The following EDEM1 variants were observed in gnomAD, a reference collection of about 807,000 sequenced individuals.
EDEM1 encodes the protein ER degradation-enhancing alpha-mannosidase-like protein 1.
EDEM1 carries 67 observed loss-of-function variants against 74.4 expected under a neutral mutation model. The ratio of observed to expected loss-of-function variants is 0.90; its 90% CI spans 0.74 to 1.10. The LOEUF (loss-of-function observed/expected upper bound fraction) is 1.10, where lower values mean the gene tolerates loss of function less well. Ranked by LOEUF, EDEM1 falls within the 50% of genes least tolerant of loss-of-function variation. The probability of loss-of-function intolerance (pLI) is 0.00; values close to 1 mark genes in which losing one functional copy is unlikely to be tolerated. For synonymous variants in EDEM1, 382 were observed against 335.9 expected, an observed-to-expected ratio of 1.14 and a Z score of -1.50; for missense variants, 926 against 851.6, an observed-to-expected ratio of 1.09 and a Z score of -1.09.
chr3:5,195,113 A>G, intron 1 of EDEM1, 96 bp from the exon 2 acceptor site: 2 of 598,300 alleles, frequency 3.3e-6, no homozygotes, highest in Non-Finnish European at 5.3e-6. Flanking sequence ...AATAAATAAG[A>G]GTTGCTGGCA....
rs2055255375 is a variant in EDEM1 at position 5,217,557 on chromosome 3, G to C, written c.*1639G>C. ...AAGTGTTATGGTTTTATATAGTTCA[G>C]TTCTTTGAGATTTTTGAAAAGAGTA... On this transcript the variant is annotated 3_prime_UTR_variant, in exon 12 of 12. Transcript: ENST00000256497. 1 of 152,504 alleles carries C rather than the reference G, an allele frequency of 6.6e-6. No individual in the cohort carries two copies. The highest frequency in any genetic ancestry group is 2.1e-4 in the South Asian group (1 of 4,824). 9.4% of individuals were successfully genotyped at this position (152,504 alleles called of 1,614,324 possible).
intron 8 of EDEM1, among the ~76,000 whole-genome samples, chr3:5,209,930 A>G (rs527619914): frequency 3.9e-4 from 60 of 152,334 alleles, no homozygotes; most frequent in African/African-American, 1.3e-3. Context: ...CTATTGTTCT[A>G]CCCTGGAACA....
At chr3:5,196,906 C>T (rs1015093900) in intron 2 of EDEM1, among the ~76,000 whole-genome samples, 15 of 151,658 alleles carry the variant, frequency 9.9e-5, no homozygotes, top group Admixed American at 2.0e-4. Context: ...GCTTTGTCAT[C>T]GTCGTCGTCT....
At chr3:5,191,347 C>T (rs942761611) in intron 1 of EDEM1, among the ~76,000 whole-genome samples, 1 of 152,116 alleles carries the variant, frequency 6.6e-6, no homozygotes, top group Non-Finnish European at 1.5e-5. Flanking sequence ...CCTCAGCCTC[C>T]CGAATAGCTG....
chr3:5,203,670 C>T (rs1056853718), intron 5 of EDEM1, among the ~76,000 whole-genome samples: 1 of 151,942 alleles, frequency 6.6e-6, no homozygotes, highest in Non-Finnish European at 1.5e-5. Flanking sequence ...GAATAATGAC[C>T]CCTATGTACT....
At chr3:5,199,515 G>T in intron 2 of EDEM1, 77 bp from the exon 3 acceptor site, 1 of 1,034,328 alleles carries the variant, frequency 9.7e-7, no homozygotes, top group Non-Finnish European at 1.4e-6. Flanking sequence ...TTTAGGTGAC[G>T]TGACTGGGCT....
At chr3:5,201,646 A>C (rs1427921769) in intron 3 of EDEM1, 107 bp from the exon 4 acceptor site, 3 of 1,309,450 alleles carry the variant, frequency 2.3e-6, no homozygotes, top group Non-Finnish European at 3.2e-6. Context: ...GACGTCAGGC[A>C]GTTCTGAGTC....
Position 5,216,555 on chromosome 3 carries a change from TC to T in EDEM1, c.*641del, listed in dbSNP as rs2055239727. 7 of 152,420 alleles carry T rather than the reference TC, an allele frequency of 4.6e-5. 1 individual carries two copies. In the South Asian group the frequency reaches 1.4e-3, roughly 32 times the overall value. The allele number at this position is 152,420 out of a possible 1,614,324, so 9.4% of individuals were successfully genotyped here. A position where few individuals can be genotyped will look rare whatever the true frequency, so the allele number is the denominator to read the frequency against. Reference sequence around the variant, plus strand: ...TTCTGTTGTTAGATAATTGGGGTCTTCCCCTGATATCCAACCGTGATTTTGG... The same window carrying T: ...TTCTGTTGTTAGATAATTGGGGTCTTCCCTGATATCCAACCGTGATTTTGG... On this transcript the variant is annotated 3_prime_UTR_variant, in exon 12 of 12. Transcript: ENST00000256497.
intron 5 of EDEM1, among the ~76,000 whole-genome samples, chr3:5,204,357 T>C (rs1226008361): frequency 1.3e-5 from 2 of 151,912 alleles, no homozygotes; most frequent in Non-Finnish European, 2.9e-5. Flanking sequence ...TTAAAAAAAA[T>C]TATCTTTTCC....
intron 2 of EDEM1, among the ~76,000 whole-genome samples, chr3:5,197,841 T>A (rs893871696): frequency 6.6e-6 from 1 of 152,162 alleles, no homozygotes; most frequent in Non-Finnish European, 1.5e-5. Flanking sequence ...ACTCTGTAGG[T>A]TACAGCAAAA....
Position 5,207,259 on chromosome 3 carries a change from T to C in EDEM1, c.1324T>C (p.Phe442Leu). The change falls in exon 7 of 12, where the codon TTC becomes CTC. Residue 442 changes from phenylalanine (F) to leucine (L), a missense_variant. By Grantham distance (22) the Phe-to-Leu change is conservative (BLOSUM62 0). Coordinates refer to ENST00000256497, the MANE Select transcript of EDEM1 (RefSeq NM_014674.3). ...CTGGATTGACTCTCTGCAGGCCTTT[T>C]TCCCTGGACTGCAGGTATTTTGCCA... The part of the protein sequence containing the change: ...NTWIDSLQAF[F>L]PGLQVLIGDV... 6.2e-7 allele frequency: 1 copy of C among 1,614,092 alleles called. No homozygotes were observed.
chr3:5,195,213 A>G lies in EDEM1; in HGVS notation c.514A>G (p.Asn172Asp). The change falls in exon 2 of 12, where the codon AAT becomes GAT. Residue 172 changes from asparagine (N) to aspartate (D), a missense_variant. Physicochemically the swap from Asn to Asp is conservative, Grantham distance 23. Transcript: ENST00000256497. ...GRGPDRGDPS[N>D]LNINDVLGNY... ...AATTTTAATTTTCTTTTTCAGTTCA[A>G]ATCTGAACATCAATGATGTACTAGG... 6.6e-7 allele frequency: 1 copy of G among 1,522,510 alleles called. No individual in the cohort carries two copies. Among genetic ancestry groups the G allele is most frequent in the Non-Finnish European group, 8.8e-7 (1 of 1,131,234 alleles). The allele number at this position is 1,522,510 out of a possible 1,614,324, so 94.3% of individuals were successfully genotyped here.
At position 5,187,786 on chromosome 3, in the gene EDEM1, C is replaced by T. The variant is rs1340426040; in HGVS notation, c.-20C>T. On this transcript the variant is annotated 5_prime_UTR_variant, in exon 1 of 12. Transcript: ENST00000256497. Reference sequence around the variant, plus strand: ...GAGGCCCCCGCGCTTTAAAATAATGCCCGCGGCGCCCGCGCGACCATGCAA... The same window carrying T: ...GAGGCCCCCGCGCTTTAAAATAATGTCCGCGGCGCCCGCGCGACCATGCAA... 6.5e-6 allele frequency: 10 copies of T among 1,538,338 alleles called. No homozygotes were observed. Among genetic ancestry groups the T allele is most frequent in the South Asian group, 3.6e-5 (3 of 84,188 alleles).
intron 2 of EDEM1, among the ~76,000 whole-genome samples, 169 bp downstream of exon 2, chr3:5,195,450 T>G (rs1559294219): frequency 6.6e-6 from 1 of 152,070 alleles, no homozygotes; most frequent in Non-Finnish European, 1.5e-5. Flanking sequence ...ACAAGAAAAG[T>G]GTTGAAGGTT....
chr3:5,202,892 T>C (rs1323718834), intron 4 of EDEM1, 74 bp from the exon 5 acceptor site: 3 of 1,406,356 alleles, frequency 2.1e-6, no homozygotes, highest in Non-Finnish European at 3.0e-6. Flanking sequence ...CTGAGTGTAG[T>C]CTCTGAGACC....
In EDEM1 at chr3:5,217,679, T is replaced by A. The variant is rs1020627844; in HGVS notation, c.*1761T>A. On this transcript the variant is annotated 3_prime_UTR_variant, in exon 12 of 12. Transcript: ENST00000256497. Reference sequence around the variant, plus strand: ...TAAAATGCTTCTATTTTACCTTTTTTCATTTCAGAAGCATTATTCTGTTTA... The same window carrying A: ...TAAAATGCTTCTATTTTACCTTTTTACATTTCAGAAGCATTATTCTGTTTA... The A allele has an allele frequency of 1.3e-5, 2 of 152,494 alleles. No homozygotes were observed. The highest frequency in any genetic ancestry group is 4.8e-5 in the African/African-American group (2 of 41,458). 9.4% of individuals were successfully genotyped at this position (152,494 alleles called of 1,614,324 possible).
At chr3:5,211,702 T>C (rs559150863) in intron 10 of EDEM1, among the ~76,000 whole-genome samples, 32 of 151,976 alleles carry the variant, frequency 2.1e-4, no homozygotes, top group African/African-American at 7.5e-4. Flanking sequence ...AGAGAGAGAA[T>C]TTCTGGACCT....
chr3:5,189,999 T>TGG (rs11353549), intron 1 of EDEM1, among the ~76,000 whole-genome samples: 11 of 149,628 alleles, frequency 7.4e-5, no homozygotes, highest in African/African-American at 2.5e-4. Context: ...GTTTTTTTTT[T>TGG]GGGGGGGGGG....
At chr3:5,202,835 T>A in intron 4 of EDEM1, 131 bp from the exon 5 acceptor site, 1 of 694,176 alleles carries the variant, frequency 1.4e-6, no homozygotes, top group Non-Finnish European at 2.4e-6. Flanking sequence ...AGATGTATCT[T>A]GGAAGGCAGA....
Sources: gnomAD v4.1 joint callset for allele counts (sites outside exome capture counted in the v4.1 genomes callset) on GRCh38, gnomAD v4.1.1 for gene constraint, MANE v1.5 for transcripts, NCBI Gene and HGNC (gene_info 2026-07-23, HGNC 2026-07-21) for gene names.